Variants in COL25A1 observed in about 807,000 individuals in gnomAD.
The protein encoded by COL25A1 is collagen type XXV alpha 1 chain, also known as collagen alpha-1(XXV) chain.
A neutral mutation model predicts 128.4 loss-of-function variants in COL25A1; 103 were observed. The observed-to-expected ratio is 0.80, with a 90% CI of 0.68 to 0.94. The LOEUF is 0.94. Among genes scored for constraint, COL25A1 ranks in the 40% least tolerant of loss-of-function variants. The pLI, the probability that COL25A1 is intolerant of heterozygous loss-of-function variation, is 0.00. For missense variants in COL25A1, 745 were observed against 840.0 expected (o/e 0.89, Z 1.40); for synonymous variants, 279 against 277.2 (o/e 1.01, Z -0.06).
At chr4:109,237,222 A>G (rs1779534438) in intron 3 of COL25A1, among the ~76,000 whole-genome samples, 1 of 152,064 alleles carries the variant, frequency 6.6e-6, no homozygotes, top group Non-Finnish European at 1.5e-5. Flanking sequence ...AGAGGAAACA[A>G]AAAAACATTT....
intron 5 of COL25A1, chr4:109,021,900 TA>T (rs1420879312): frequency 5.5e-6 from 2 of 364,086 alleles, no homozygotes; most frequent in African/African-American, 4.3e-5. Flanking sequence ...CCAGCCCTGG[TA>T]AATTTGAGGT....
At chr4:108,862,314 T>C (rs1393513845) in intron 22 of COL25A1, among the ~76,000 whole-genome samples, 187 bp downstream of exon 22, 1 of 152,190 alleles carries the variant, frequency 6.6e-6, no homozygotes, top group African/African-American at 2.4e-5. Flanking sequence ...ACAAGCAAGA[T>C]GAAACAAACG....
intron 26 of COL25A1, 44 bp from the exon 27 acceptor site, chr4:108,848,847 A>T: frequency 6.9e-7 from 1 of 1,458,040 alleles, no homozygotes; most frequent in Non-Finnish European, 9.6e-7. Flanking sequence ...TCTCATTGGT[A>T]ACATACTGCA....
At chr4:108,955,867 C>T (rs764245071) in intron 8 of COL25A1, among the ~76,000 whole-genome samples, 1 of 152,090 alleles carries the variant, frequency 6.6e-6, no homozygotes, top group Non-Finnish European at 1.5e-5. Flanking sequence ...TAAACATTGC[C>T]ACAAATACTG....
intron 3 of COL25A1, among the ~76,000 whole-genome samples, chr4:109,197,474 ATATAT>A (rs1378994074): frequency 0.029 from 3,567 of 124,860 alleles, 84 homozygotes; most frequent in Non-Finnish European, 0.043. Flanking sequence ...TATATATAAT[ATATAT>A]TATATATTAT....
At chr4:109,063,055 T>C (rs191501306) in intron 3 of COL25A1, among the ~76,000 whole-genome samples, 1 of 152,184 alleles carries the variant, frequency 6.6e-6, no homozygotes, top group African/African-American at 2.4e-5. Context: ...TTGTGAGAGA[T>C]GCAAGGCCTA....
At chr4:109,160,034 A>G (rs1051209045) in intron 3 of COL25A1, among the ~76,000 whole-genome samples, 12 of 152,248 alleles carry the variant, frequency 7.9e-5, no homozygotes, top group African/African-American at 2.7e-4. Context: ...TAAAATAACA[A>G]AAGTTTGTAA....
chr4:109,258,037 C>T (rs1259196543), intron 3 of COL25A1, among the ~76,000 whole-genome samples: 1 of 152,142 alleles, frequency 6.6e-6, no homozygotes, highest in Non-Finnish European at 1.5e-5. Context: ...ATCATTGATG[C>T]CTTCTTCTCC....
At chr4:109,297,367 G>A (rs1465329598) in intron 3 of COL25A1, among the ~76,000 whole-genome samples, 1 of 151,992 alleles carries the variant, frequency 6.6e-6, no homozygotes, top group Non-Finnish European at 1.5e-5. Context: ...ACTTCTTTTT[G>A]TAAACATCTG....
rs1256525811 is a variant in COL25A1, at chr4:109,010,266, C to CT, written c.438+91dup. 35 of 1,059,598 alleles carry CT rather than the reference C, an allele frequency of 3.3e-5. No homozygotes were observed. The East Asian group carries it at 7.3e-4, about 22-fold the overall frequency. 65.6% of individuals were successfully genotyped at this position (1,059,598 alleles called of 1,614,324 possible). Reference sequence around the variant, plus strand: ...TGGTGTTGTGATTATCAGTTCATAGCTTTTTTATATCTTTTGAAAGAATTG... The same window carrying CT: ...TGGTGTTGTGATTATCAGTTCATAGCTTTTTTTATATCTTTTGAAAGAATTG... On this transcript the variant is annotated intron_variant, in intron 6 of 37. Coordinates refer to ENST00000399132, the MANE Select transcript of COL25A1 (RefSeq NM_198721.4).
At chr4:109,001,408 T>G (rs1755380600) in intron 6 of COL25A1, among the ~76,000 whole-genome samples, 4 of 152,288 alleles carry the variant, frequency 2.6e-5, no homozygotes, top group Non-Finnish European at 4.4e-5. Context: ...GCATCTGAGA[T>G]CCTGTCAGGT....
At chr4:109,079,868 C>T (rs1579299949) in intron 3 of COL25A1, among the ~76,000 whole-genome samples, 1 of 148,200 alleles carries the variant, frequency 6.7e-6, no homozygotes, top group African/African-American at 2.4e-5. Context: ...TTAGAGACTA[C>T]AGGGGCAATA....
chr4:108,863,613 T>C (rs1277858149), intron 20 of COL25A1, among the ~76,000 whole-genome samples: 1 of 152,224 alleles, frequency 6.6e-6, no homozygotes, highest in Non-Finnish European at 1.5e-5. Flanking sequence ...AAGGGACACA[T>C]AGAAAGATAA....
At chr4:109,226,081 A>T (rs72672603) in intron 3 of COL25A1, among the ~76,000 whole-genome samples, 6,048 of 152,210 alleles carry the variant, frequency 0.04, 299 homozygotes, top group Non-Finnish European at 0.045. Flanking sequence ...TTTTGTGGTC[A>T]CATGGGTGAA....
chr4:109,011,813 CT>C (rs1756620559), intron 5 of COL25A1, among the ~76,000 whole-genome samples: 1 of 152,214 alleles, frequency 6.6e-6, no homozygotes, highest in South Asian at 2.1e-4. Flanking sequence ...TCTTCAAGTG[CT>C]TAACACTCTC....
intron 3 of COL25A1, among the ~76,000 whole-genome samples, chr4:109,166,319 A>G (rs903658764): frequency 1.3e-5 from 2 of 152,182 alleles, no homozygotes; most frequent in Non-Finnish European, 2.9e-5. Context: ...AAACATCCTT[A>G]AAGCTTTTCC....
chr4:108,965,757 T>G (rs1182944043), intron 8 of COL25A1, among the ~76,000 whole-genome samples: 1 of 152,126 alleles, frequency 6.6e-6, no homozygotes, highest in East Asian at 1.9e-4. Context: ...GGGAGAAGCA[T>G]TAAAAGTCTT....
intron 6 of COL25A1, among the ~76,000 whole-genome samples, chr4:109,000,763 AAAAAAG>A (rs1335529510): frequency 0.013 from 1,749 of 136,470 alleles, 89 homozygotes; most frequent in Non-Finnish European, 0.022. Flanking sequence ...AAAAAAAAAA[AAAAAAG>A]AAAAAACTAT....
chr4:108,971,910 G>C (rs557191294), intron 8 of COL25A1, among the ~76,000 whole-genome samples: 7 of 152,208 alleles, frequency 4.6e-5, no homozygotes, highest in African/African-American at 7.2e-5. Context: ...ATTAAGCACA[G>C]TATCTTAAAG....
Sources: gnomAD v4.1 joint callset for allele counts (sites outside exome capture counted in the v4.1 genomes callset) on GRCh38, gnomAD v4.1.1 for gene constraint, MANE v1.5 for transcripts, NCBI Gene and HGNC (gene_info 2026-07-23, HGNC 2026-07-21) for gene names.